The following RIMS1 variants were observed in gnomAD, a reference collection of about 807,000 sequenced individuals.
RIMS1 encodes the protein regulating synaptic membrane exocytosis 1.
RIMS1 carries 83 observed loss-of-function variants against 214.1 expected under a neutral mutation model. That is an observed-to-expected ratio of 0.39 (90% CI 0.32 to 0.47). RIMS1 has a LOEUF of 0.47. Ranked by LOEUF, RIMS1 falls within the 20% of genes least tolerant of loss-of-function variation. The probability of loss-of-function intolerance (pLI) is 0.99; values close to 1 mark genes in which losing one functional copy is unlikely to be tolerated. For synonymous variants in RIMS1, 793 were observed against 786.8 expected, an observed-to-expected ratio of 1.01 and a Z score of -0.13; for missense variants, 2,050 against 2,161.8, an observed-to-expected ratio of 0.95 and a Z score of 1.03.
At chr6:72,003,313 C>G (rs79376112) in intron 2 of RIMS1, among the ~76,000 whole-genome samples, 1,730 of 152,180 alleles carry the variant, frequency 0.011, 9 homozygotes, top group Non-Finnish European at 0.017. Flanking sequence ...TTGAAATGCT[C>G]TCCTTTTCTA....
chr6:72,306,447 C>A (rs1469267386), intron 26 of RIMS1, among the ~76,000 whole-genome samples: 1 of 152,064 alleles, frequency 6.6e-6, no homozygotes, highest in East Asian at 1.9e-4. Context: ...TGTAAAAATG[C>A]AAAATTTAAA....
At chr6:72,096,232 A>T (rs1302841735) in intron 2 of RIMS1, among the ~76,000 whole-genome samples, 1 of 152,242 alleles carries the variant, frequency 6.6e-6, no homozygotes, top group African/African-American at 2.4e-5. Flanking sequence ...TGAACTATGT[A>T]AAAATCTGCA....
intron 29 of RIMS1, among the ~76,000 whole-genome samples, chr6:72,356,118 A>G (rs2097632539): frequency 6.6e-6 from 1 of 152,188 alleles, no homozygotes; most frequent in Non-Finnish European, 1.5e-5. Flanking sequence ...TTGACACAAC[A>G]ATCTCTAAAT....
At chr6:71,921,060 C>T (rs574026410) in intron 1 of RIMS1, among the ~76,000 whole-genome samples, 53 of 152,252 alleles carry the variant, frequency 3.5e-4, no homozygotes, top group African/African-American at 1.2e-3. Flanking sequence ...AGACATGCCT[C>T]TCCCTGGTCT....
chr6:72,400,905 C>A lies in RIMS1; in HGVS notation c.*191C>A. 1 of 546,764 alleles carries A rather than the reference C, an allele frequency of 1.8e-6. No homozygotes were observed. Among genetic ancestry groups the A allele is most frequent in the Admixed American group, 3.1e-5 (1 of 31,830 alleles). 33.9% of individuals were successfully genotyped at this position (546,764 alleles called of 1,614,324 possible). On this transcript the variant is annotated 3_prime_UTR_variant, in exon 34 of 34. Transcript: ENST00000521978. ...CATATGACAGAACAAGGCAATCTAT[C>A]AAATTTACAGGAAGAATCAACATGC...
chr6:72,377,434 G>A (rs1478875500), intron 29 of RIMS1, among the ~76,000 whole-genome samples: 1 of 152,128 alleles, frequency 6.6e-6, no homozygotes, highest in Non-Finnish European at 1.5e-5. Context: ...GGGAACATGG[G>A]CTCTGAGTGG....
chr6:72,007,257 G>A (rs975013449), intron 2 of RIMS1, among the ~76,000 whole-genome samples: 1 of 152,210 alleles, frequency 6.6e-6, no homozygotes, highest in Admixed American at 6.5e-5. Flanking sequence ...ACCTGCACCT[G>A]AGGGTTCTGA....
intron 4 of RIMS1, among the ~76,000 whole-genome samples, chr6:72,111,284 CAT>C (rs1246180397): frequency 6.6e-6 from 1 of 152,120 alleles, no homozygotes; most frequent in Non-Finnish European, 1.5e-5. Context: ...CCTACCTTCT[CAT>C]ACTTTTTCTC....
intron 6 of RIMS1, among the ~76,000 whole-genome samples, chr6:72,231,840 G>T (rs1455592586): frequency 1.3e-5 from 2 of 151,382 alleles, no homozygotes; most frequent in Non-Finnish European, 3.0e-5. Flanking sequence ...ATCTCATATG[G>T]TGGTTCAACT....
At chr6:72,283,991 G>T in intron 23 of RIMS1, 56 bp from the exon 24 acceptor site, 2 of 1,339,472 alleles carry the variant, frequency 1.5e-6, no homozygotes, top group Non-Finnish European at 2.1e-6. Context: ...ATCATTGTAT[G>T]ATGTTAATGT....
rs1415920709 is a variant in RIMS1, at chr6:72,359,897, A to G, written c.4366+26062A>G. On this transcript the variant is annotated intron_variant, in intron 29 of 33. Transcript: ENST00000521978. ...AAATCATGACAACAACCCACCATAT[A>G]AAATACTTGTTTTACCCAACTCTCT... is the stretch of plus-strand genomic sequence containing the variant. 2.6e-5 allele frequency among the ~76,000 whole-genome samples: 4 copies of G among 152,320 alleles called. No homozygotes were observed. The East Asian group carries it at 7.7e-4, about 29-fold the overall frequency.
chr6:72,362,359 C>T (rs2097855024), intron 29 of RIMS1, among the ~76,000 whole-genome samples: 1 of 152,104 alleles, frequency 6.6e-6, no homozygotes, highest in Non-Finnish European at 1.5e-5. Context: ...CCATGGTTCC[C>T]TTGCTCCAAG....
intron 26 of RIMS1, 145 bp from the exon 27 acceptor site, chr6:72,307,113 G>A (rs1260514574): frequency 5.0e-6 from 3 of 603,866 alleles, no homozygotes; most frequent in South Asian, 2.3e-5. Context: ...TGTATATTCT[G>A]CATTTTTGTT....
At chr6:72,129,731 T>TA (rs914933061) in intron 4 of RIMS1, among the ~76,000 whole-genome samples, 195 of 147,896 alleles carry the variant, frequency 1.3e-3, no homozygotes, top group Middle Eastern at 3.4e-3. Context: ...AGAAAACTGC[T>TA]AAAAAAAAAA....
At chr6:72,372,724 CTG>C (rs1351094380) in intron 29 of RIMS1, among the ~76,000 whole-genome samples, 1 of 152,244 alleles carries the variant, frequency 6.6e-6, no homozygotes, top group African/African-American at 2.4e-5. Flanking sequence ...TTTCTCTGGA[CTG>C]TGTCTAATCT....
At chr6:72,150,302 A>G (rs1588098192) in intron 4 of RIMS1, among the ~76,000 whole-genome samples, 1 of 152,208 alleles carries the variant, frequency 6.6e-6, no homozygotes, top group East Asian at 1.9e-4. Context: ...GTGAGGATCA[A>G]TTAGAAGAAA....
chr6:72,317,560 A>G (rs942286788), intron 28 of RIMS1: 2 of 158,654 alleles, frequency 1.3e-5, no homozygotes, highest in African/African-American at 4.8e-5. Context: ...AGAAGTTAAT[A>G]TATTCTGGAA....
intron 26 of RIMS1, among the ~76,000 whole-genome samples, chr6:72,301,374 A>G (rs2094585361): frequency 6.6e-6 from 1 of 151,754 alleles, no homozygotes; most frequent in Non-Finnish European, 1.5e-5. Flanking sequence ...CACTACATCA[A>G]AGTCTCTCAC....
intron 4 of RIMS1, among the ~76,000 whole-genome samples, chr6:72,153,766 A>G (rs1369156074): frequency 6.6e-6 from 1 of 152,204 alleles, no homozygotes; most frequent in Non-Finnish European, 1.5e-5. Context: ...CTGCCCATTT[A>G]TACTGGTATC....
Sources: allele counts gnomAD v4.1 joint callset (sites outside exome capture counted in the v4.1 genomes callset), GRCh38; gene constraint gnomAD v4.1.1; transcripts MANE v1.5; gene names NCBI Gene and HGNC (gene_info 2026-07-23, HGNC 2026-07-21).